TSPAN19: variants seen among roughly 807,000 people sequenced by gnomAD.
TSPAN19 encodes the protein tetraspanin-19.
TSPAN19 carries 44 observed loss-of-function variants against 35.1 expected under a neutral mutation model. The ratio of observed to expected loss-of-function variants is 1.25; its 90% CI spans 0.98 to 1.61. The LOEUF is 1.61. Among genes scored for constraint, TSPAN19 ranks in the 40% most tolerant of loss-of-function variants. The pLI, the probability that TSPAN19 is intolerant of heterozygous loss-of-function variation, is 0.00. For missense variants in TSPAN19, 290 were observed against 280.0 expected (o/e 1.04, Z -0.26); for synonymous variants, 79 against 92.0 (o/e 0.86, Z 0.81).
intron 7 of TSPAN19, chr12:85,017,212 C>T (rs1359405803): frequency 5.2e-6 from 2 of 386,850 alleles, no homozygotes; most frequent in Non-Finnish European, 9.1e-6. Flanking sequence ...CTGATGATAT[C>T]CCAAGTTCCA....
At chr12:85,034,574 A>G (rs1877835065) in intron 1 of TSPAN19, among the ~76,000 whole-genome samples, 1 of 152,226 alleles carries the variant, frequency 6.6e-6, no homozygotes, top group Non-Finnish European at 1.5e-5. Context: ...TACTCAGGTT[A>G]AAGAGTCATA....
intron 4 of TSPAN19, chr12:85,024,841 A>T (rs948226024): frequency 3.3e-5 from 5 of 151,968 alleles, no homozygotes; most frequent in African/African-American, 1.2e-4. Flanking sequence ...AATATTTACT[A>T]GGCAAAATAT....
rs541944555 is a variant in TSPAN19 at position 85,014,411 on chromosome 12, G to A, written c.*76C>T. The A allele has an allele frequency of 8.4e-6, 9 of 1,065,592 alleles. No individual in the cohort carries two copies. The highest frequency in any genetic ancestry group is 5.1e-5 in the Admixed American group (2 of 39,156). The allele number at this position is 1,065,592 out of a possible 1,614,324, so 66.0% of individuals were successfully genotyped here. A position where few individuals can be genotyped will look rare whatever the true frequency, so the allele number is the denominator to read the frequency against. On this transcript the variant is annotated 3_prime_UTR_variant, in exon 9 of 9. Transcript: ENST00000532498. Reference sequence around the variant, plus strand: ...TCTGTTATTTAATACAATTCAAAACGTTTTTGGAATAAAATAATATAATGT... The same window carrying A: ...TCTGTTATTTAATACAATTCAAAACATTTTTGGAATAAAATAATATAATGT...
At chr12:85,018,490 T>A (rs541620263) in intron 6 of TSPAN19, among the ~76,000 whole-genome samples, 2 of 151,896 alleles carry the variant, frequency 1.3e-5, no homozygotes, top group African/African-American at 4.8e-5. Context: ...ATAGACAGAA[T>A]TGTTTCCTCA....
Position 85,028,002 on chromosome 12 carries a change from A to G in TSPAN19, c.161T>C (p.Val54Ala). 6.3e-7 allele frequency: 1 copy of G among 1,576,348 alleles called. No individual in the cohort carries two copies. The highest frequency in any genetic ancestry group is 8.6e-7 in the Non-Finnish European group (1 of 1,157,608). The part of the protein sequence containing the change: ...TAFDENNHFI[V>A]PISQILIGMG... ...TCCAATCAAAATTTGAGAAATAGGT[A>G]CTATGAAGTGATTATTTTCATCTGT... Residue 54 changes from valine (V) to alanine (A), a missense_variant, in exon 4 of 9, where the codon GTA (valine) becomes GCA (alanine). Physicochemically the swap from Val to Ala is moderately conservative, Grantham distance 64. Transcript: ENST00000532498.
chr12:85,016,214 C>T (rs1366365970), intron 7 of TSPAN19: 5 of 349,098 alleles, frequency 1.4e-5, no homozygotes, highest in South Asian at 9.8e-5. Context: ...ATTTGTTACA[C>T]TTTAGAAAGA....
intron 8 of TSPAN19, chr12:85,014,792 T>G (rs1377914528): frequency 9.2e-6 from 3 of 327,760 alleles, no homozygotes; most frequent in Non-Finnish European, 1.1e-5. Flanking sequence ...GGAAAAACCT[T>G]TAGGTTTTAA....
At chr12:85,025,530 G>A (rs1239354857) in intron 4 of TSPAN19, among the ~76,000 whole-genome samples, 1 of 150,450 alleles carries the variant, frequency 6.6e-6, no homozygotes, top group Non-Finnish European at 1.5e-5. Context: ...TTTTTTTGTT[G>A]GGGGGGAGGT....
Position 85,023,398 on chromosome 12 carries a change from A to G in TSPAN19, c.267T>C (p.Tyr89=), listed in dbSNP as rs200541817. ...HNEIRWLLIV[Y]AVLITWTFAV... is the part of the protein sequence containing the mutation. The stretch of plus-strand genomic sequence containing the variant: ...CAAAGGTCCATGTTATCAATACTGC[A>G]TACTAAAACAAAAGAAAAATAGAGA... The change falls in exon 5 of 9, where the codon TAT becomes TAC. Residue 89 remains tyrosine (Y), a splice_region_variant and synonymous_variant. Transcript: ENST00000532498. 3.8e-6 allele frequency: 6 copies of G among 1,574,370 alleles called. No homozygotes were observed. The Admixed American group carries it at 7.4e-5, about 19-fold the overall frequency.
At chr12:85,033,643 T>C (rs1282212690) in intron 1 of TSPAN19, among the ~76,000 whole-genome samples, 1 of 152,158 alleles carries the variant, frequency 6.6e-6, no homozygotes, top group Non-Finnish European at 1.5e-5. Flanking sequence ...TTGCAAATGC[T>C]ATTATCCCCA....
intron 4 of TSPAN19, 45 bp downstream of exon 4, chr12:85,027,853 TA>T (rs1352707876): frequency 1.3e-6 from 2 of 1,520,904 alleles, no homozygotes; most frequent in East Asian, 5.0e-5. Context: ...CTTAGATACT[TA>T]AAAATCTAAG....
chr12:85,020,273 C>A (rs188901673), intron 5 of TSPAN19, among the ~76,000 whole-genome samples: 16 of 151,748 alleles, frequency 1.1e-4, no homozygotes, highest in Non-Finnish European at 2.2e-4. Context: ...TTAATTCCTT[C>A]TCTCTCCAAG....
At chr12:85,020,910 A>T (rs1383157304) in intron 5 of TSPAN19, among the ~76,000 whole-genome samples, 1 of 151,820 alleles carries the variant, frequency 6.6e-6, no homozygotes, top group Non-Finnish European at 1.5e-5. Flanking sequence ...GTCTTTTGTT[A>T]TAGGGATCTC....
chr12:85,029,704 A>T lies in TSPAN19; in HGVS notation c.139+15T>A. On this transcript the variant is annotated intron_variant, in intron 3 of 8. Transcript: ENST00000532498. ...TGTCTATTTCACTGAGAGAAAAACA[A>T]AAATAGATACATACCAAAAGCTGTT... 3.9e-6 allele frequency: 6 copies of T among 1,524,946 alleles called. No individual in the cohort carries two copies. Among genetic ancestry groups the T allele is most frequent in the Non-Finnish European group, 5.3e-6 (6 of 1,135,684 alleles). The allele number at this position is 1,524,946 out of a possible 1,614,324, so 94.5% of individuals were successfully genotyped here. A position where few individuals can be genotyped will look rare whatever the true frequency, so the allele number is the denominator to read the frequency against.
At chr12:85,015,750 C>A in intron 8 of TSPAN19, 138 bp downstream of exon 8, 1 of 587,966 alleles carries the variant, frequency 1.7e-6, no homozygotes. Context: ...CTGTACAACT[C>A]TTGGATGTAA....
chr12:85,027,866 C>G (rs1226790163), intron 4 of TSPAN19, 33 bp downstream of exon 4: 3 of 1,533,288 alleles, frequency 2.0e-6, no homozygotes, highest in Non-Finnish European at 2.6e-6. Context: ...AAATCTAAGA[C>G]AAAAATTCAA....
At chr12:85,035,601 C>A (rs186512537) in intron 1 of TSPAN19, among the ~76,000 whole-genome samples, 21 of 152,072 alleles carry the variant, frequency 1.4e-4, no homozygotes, top group African/African-American at 4.1e-4. Context: ...ATAGCAGATA[C>A]CTTTTACAAT....
At chr12:85,017,653 T>A in intron 6 of TSPAN19, 54 bp from the exon 7 acceptor site, 1 of 1,357,168 alleles carries the variant, frequency 7.4e-7, no homozygotes, top group South Asian at 1.4e-5. Flanking sequence ...TGCAGTTAAT[T>A]ATATGAGATT....
At chr12:85,032,571 A>C (rs1243658428) in intron 1 of TSPAN19, among the ~76,000 whole-genome samples, 1 of 152,132 alleles carries the variant, frequency 6.6e-6, no homozygotes, top group African/African-American at 2.4e-5. Flanking sequence ...AAGTTAAAAC[A>C]CAACAAACTG....
Sources: allele counts gnomAD v4.1 joint callset (sites outside exome capture counted in the v4.1 genomes callset), GRCh38; gene constraint gnomAD v4.1.1; transcripts MANE v1.5; gene names NCBI Gene and HGNC (gene_info 2026-07-23, HGNC 2026-07-21).